ACOT8: variants seen among roughly 807,000 people sequenced by gnomAD.
The protein encoded by ACOT8 is acyl-CoA thioesterase 8.
Under a neutral mutation model 38.4 loss-of-function variants are expected in ACOT8, and 31 were observed. That is an observed-to-expected ratio of 0.81 (90% confidence interval 0.61 to 1.09). The LOEUF is 1.09. Among genes scored for constraint, ACOT8 ranks in the 50% least tolerant of loss-of-function variants. The pLI is 0.00. For synonymous variants in ACOT8, 158 were observed against 170.3 expected, an observed-to-expected ratio of 0.93 and a Z score of 0.56; for missense variants, 373 against 421.8, an observed-to-expected ratio of 0.88 and a Z score of 1.01.
chr20:45,845,864 G>A (rs1344957699), intron 3 of ACOT8, among the ~76,000 whole-genome samples: 3 of 146,454 alleles, frequency 2.0e-5, no homozygotes, highest in East Asian at 4.0e-4. Flanking sequence ...ACGGAATCTC[G>A]CTCTGTTGCC....
chr20:45,854,687 C>A (rs964040489), intron 2 of ACOT8, among the ~76,000 whole-genome samples: 1 of 152,102 alleles, frequency 6.6e-6, no homozygotes, highest in African/African-American at 2.4e-5. Context: ...AAAACTGAAG[C>A]TAGGCCCTAC....
In ACOT8 at chr20:45,848,670, G is replaced by A. The variant is rs201318577; in HGVS notation, c.268C>T (p.Pro90Ser). 94 of 1,605,002 alleles carry A rather than the reference G, an allele frequency of 5.9e-5. No individual in the cohort carries two copies. The highest frequency in any genetic ancestry group is 1.7e-5 in the Admixed American group (1 of 59,284). Residue 90 changes from proline (P) to serine (S), a missense_variant, in exon 3 of 6, where the codon CCG becomes TCG. Transcript: ENST00000217455. ...ACTTGGTACAGTACTGGCAGCTTCG[G>A]GTCCCCTGCAGTGGGCACAAGGACA... is the stretch of plus-strand genomic sequence containing the variant. ...LHCYFVRAGDPKLPVLYQVER... is the reference protein window; with the variant it reads ...LHCYFVRAGDSKLPVLYQVER...
intron 2 of ACOT8, among the ~76,000 whole-genome samples, chr20:45,851,850 A>C (rs1475292238): frequency 6.6e-6 from 1 of 152,234 alleles, no homozygotes; most frequent in Non-Finnish European, 1.5e-5. Context: ...GAGAAAAACT[A>C]AAAACAAAAC....
intron 2 of ACOT8, among the ~76,000 whole-genome samples, chr20:45,850,682 C>A (rs558473590): frequency 1.7e-3 from 255 of 152,218 alleles, no homozygotes; most frequent in African/African-American, 5.7e-3. Flanking sequence ...CACAGGGAGA[C>A]CCTGTTTCTA....
At chr20:45,844,060 C>T (rs1480632641) in intron 4 of ACOT8, 3 of 844,416 alleles carry the variant, frequency 3.6e-6, no homozygotes, top group African/African-American at 3.4e-5. Flanking sequence ...CTCAGAAAGG[C>T]CTTGTGTCGG....
rs1984855976 is a variant in ACOT8, at chr20:45,848,630, G to A, written c.308C>T (p.Thr103Ile). ...PVLYQVERTR[T>I]GSSFSVRSVK... ...AGAGCGCACCGAGAAGCTCGACCCT[G>A]TTCGTGTCCGCTCCACTTGGTACAG... Residue 103 changes from threonine (T) to isoleucine (I), a missense_variant, in exon 3 of 6, where the codon ACA (threonine) becomes ATA (isoleucine). Coordinates refer to ENST00000217455, the MANE Select transcript of ACOT8 (RefSeq NM_005469.4). The A allele has an allele frequency of 1.9e-6, 3 of 1,613,614 alleles. No homozygotes were observed. Among genetic ancestry groups the A allele is most frequent in the Non-Finnish European group, 8.5e-7 (1 of 1,179,942 alleles).
intron 2 of ACOT8, among the ~76,000 whole-genome samples, chr20:45,852,702 C>T (rs573935270): frequency 6.6e-6 from 1 of 152,276 alleles, no homozygotes; most frequent in African/African-American, 2.4e-5. Context: ...TAATAACTAC[C>T]AATTATTTTA....
At position 45,857,369 on chromosome 20, in the gene ACOT8, T is replaced by A; in HGVS notation, c.-54A>T. 1 of 1,546,728 alleles carries A rather than the reference T, an allele frequency of 6.5e-7. No homozygotes were observed. Among genetic ancestry groups the A allele is most frequent in the African/African-American group, 1.4e-5 (1 of 73,254 alleles). ...CCGCTCCGCGGAAGACGCGGAGACATACACAGAACCTGACTCTTCCGGCAG... is the reference window on the plus strand; with the variant it reads ...CCGCTCCGCGGAAGACGCGGAGACAAACACAGAACCTGACTCTTCCGGCAG... On this transcript the variant is annotated 5_prime_UTR_variant, in exon 1 of 6. It removes an upstream start codon present in the reference 5' UTR. Coordinates refer to ENST00000217455, the MANE Select transcript of ACOT8 (RefSeq NM_005469.4).
chr20:45,855,846 C>CTG (rs1985381944), intron 1 of ACOT8, among the ~76,000 whole-genome samples: 1 of 152,236 alleles, frequency 6.6e-6, no homozygotes, highest in Non-Finnish European at 1.5e-5. Flanking sequence ...GAGAAAACTG[C>CTG]AGCTTGGCCC....
intron 3 of ACOT8, among the ~76,000 whole-genome samples, chr20:45,845,735 A>C (rs1335210076): frequency 6.6e-6 from 1 of 152,156 alleles, no homozygotes; most frequent in Non-Finnish European, 1.5e-5. Context: ...TGCACAGCAC[A>C]CTATGGTAGC....
At position 45,843,652 on chromosome 20, in the gene ACOT8, GC is replaced by G; in HGVS notation, c.715del (p.Ala239HisfsTer60). The G allele has an allele frequency of 6.2e-7, 1 of 1,613,680 alleles. No homozygotes were observed. Among genetic ancestry groups the G allele is most frequent in the East Asian group, 2.2e-5 (1 of 44,854 alleles). The stretch of plus-strand genomic sequence containing the variant: ...GTGCTGCCACTGGTGAGGCAGCAGT[GC>G]AGTGCCCAAGAAGGCATAGTCGGAG... ...YISDYAFLGT[A>X]LLPHQWQHKV... On this transcript the variant is annotated frameshift_variant, in exon 5 of 6. Coordinates refer to ENST00000217455, the MANE Select transcript of ACOT8 (RefSeq NM_005469.4). LOFTEE classifies it high-confidence loss of function.
Position 45,843,549 on chromosome 20 carries a change from A to G in ACOT8, c.819T>C (p.Tyr273=). Residue 273 remains tyrosine, a synonymous_variant, in exon 5 of 6, where the codon TAT becomes TAC. Transcript: ENST00000217455. Reference sequence around the variant, plus strand: ...CACCGGCCCAGGGGCTCTCGCATTCATAGAGCATCCAGTGGTCAGCTCGGA... The same window carrying G: ...CACCGGCCCAGGGGCTCTCGCATTCGTAGAGCATCCAGTGGTCAGCTCGGA... The part of the protein sequence containing the change: ...APFRADHWML[Y]ECESPWAGGS... The G allele has an allele frequency of 6.2e-7, 1 of 1,610,192 alleles. No individual in the cohort carries two copies. Among genetic ancestry groups the G allele is most frequent in the East Asian group, 2.2e-5 (1 of 44,736 alleles).
intron 3 of ACOT8, 63 bp downstream of exon 3, chr20:45,848,387 G>T: frequency 7.1e-7 from 1 of 1,402,030 alleles, no homozygotes; most frequent in South Asian, 1.5e-5. Context: ...AGGATTCTAT[G>T]ACCCACAAAC....
intron 1 of ACOT8, among the ~76,000 whole-genome samples, chr20:45,855,977 A>G (rs1985394402): frequency 6.6e-6 from 1 of 152,010 alleles, no homozygotes; most frequent in East Asian, 1.9e-4. Flanking sequence ...ACAGCCCTCC[A>G]TGACCTGGCA....
chr20:45,856,552 G>A (rs1985451296), intron 1 of ACOT8, among the ~76,000 whole-genome samples: 1 of 152,024 alleles, frequency 6.6e-6, no homozygotes, highest in African/African-American at 2.4e-5. Context: ...GCTGTGGCGC[G>A]CCTGTATGTC....
chr20:45,843,411 G>C, intron 5 of ACOT8, 116 bp downstream of exon 5: 1 of 1,353,866 alleles, frequency 7.4e-7, no homozygotes, highest in Non-Finnish European at 1.0e-6. Context: ...GGGAGGGAAG[G>C]AAAGGAAGTG....
intron 3 of ACOT8, among the ~76,000 whole-genome samples, chr20:45,846,540 C>T (rs1848456140): frequency 6.6e-6 from 1 of 152,148 alleles, no homozygotes; most frequent in African/African-American, 2.4e-5. Flanking sequence ...CACATCCATC[C>T]CGTCATACTC....
At position 45,848,671 on chromosome 20, in the gene ACOT8, G is replaced by A. The variant is rs1205829713; in HGVS notation, c.267C>T (p.Asp89=). The A allele has an allele frequency of 1.2e-6, 2 of 1,603,330 alleles. No homozygotes were observed. The highest frequency in any genetic ancestry group is 1.7e-6 in the Non-Finnish European group (2 of 1,173,990). ...CTTGGTACAGTACTGGCAGCTTCGG[G>A]TCCCCTGCAGTGGGCACAAGGACAC... ...SLHCYFVRAG[D]PKLPVLYQVE... is the part of the protein sequence containing the mutation. The change falls in exon 3 of 6, where the codon GAC becomes GAT. Residue 89 remains aspartate, a synonymous_variant. Coordinates refer to ENST00000217455, the MANE Select transcript of ACOT8 (RefSeq NM_005469.4).
rs995054978 is a variant in ACOT8, at chr20:45,844,194, A to C, written c.646+69T>G. The C allele has an allele frequency of 2.5e-6, 4 of 1,594,844 alleles. No individual in the cohort carries two copies. In the African/African-American group the frequency reaches 5.4e-5, roughly 21 times the overall value. On this transcript the variant is annotated intron_variant, in intron 4 of 5. Coordinates refer to ENST00000217455, the MANE Select transcript of ACOT8 (RefSeq NM_005469.4). ...CCAGAGAAGGGAACTCATGTGCCCA[A>C]GGCCACACAGCAAATGAGTGGTAGA...
Sources: gnomAD v4.1 joint callset for allele counts (sites outside exome capture counted in the v4.1 genomes callset) on GRCh38, gnomAD v4.1.1 for gene constraint, MANE v1.5 for transcripts, NCBI Gene and HGNC (gene_info 2026-07-23, HGNC 2026-07-21) for gene names.